HTR1E: variants seen among roughly 807,000 people sequenced by gnomAD.
HTR1E encodes the protein 5-hydroxytryptamine receptor 1E.
HTR1E carries 3 observed loss-of-function variants against 3.4 expected under a neutral mutation model. The observed-to-expected ratio is 0.89, with a 90% confidence interval of 0.41 to 2.31. The LOEUF is 2.31. Among genes scored for constraint, HTR1E ranks in the 30% most tolerant of loss-of-function variants. HTR1E has a pLI of 0.05. For missense variants in HTR1E, 392 were observed against 467.0 expected, an observed-to-expected ratio of 0.84 and a Z score of 1.48; for synonymous variants, 170 against 182.8, an observed-to-expected ratio of 0.93 and a Z score of 0.56.
intron 1 of HTR1E, among the ~76,000 whole-genome samples, chr6:86,964,858 A>G (rs79975916): frequency 6.6e-6 from 1 of 152,368 alleles, no homozygotes; most frequent in East Asian, 1.9e-4. Context: ...ATAAAATTAT[A>G]GTCAATAATT....
Position 87,015,132 on chromosome 6 carries a change from T to C in HTR1E, c.-185-18T>C. 2.6e-6 allele frequency: 1 copy of C among 386,064 alleles called. No homozygotes were observed. The highest frequency in any genetic ancestry group is 4.6e-6 in the Non-Finnish European group (1 of 218,326). The allele number at this position is 386,064 out of a possible 1,614,324, so 23.9% of individuals were successfully genotyped here. A position where few individuals can be genotyped will look rare whatever the true frequency, so the allele number is the denominator to read the frequency against. ...TGTGGCTTTCTCATTCATTAACCAATAGCATAATATTTTCCAGGAACCTTC... is the reference window on the plus strand; with the variant it reads ...TGTGGCTTTCTCATTCATTAACCAACAGCATAATATTTTCCAGGAACCTTC... On this transcript the variant is annotated intron_variant, in intron 1 of 1. Coordinates refer to ENST00000305344, the MANE Select transcript of HTR1E (RefSeq NM_000865.3).
chr6:86,949,634 C>T (rs2127817375), intron 1 of HTR1E, among the ~76,000 whole-genome samples: 1 of 152,192 alleles, frequency 6.6e-6, no homozygotes, highest in East Asian at 1.9e-4. Flanking sequence ...ATTTAAGTTA[C>T]TAGCAATAAC....
At chr6:87,003,838 T>C (rs563627975) in intron 1 of HTR1E, among the ~76,000 whole-genome samples, 9 of 152,134 alleles carry the variant, frequency 5.9e-5, no homozygotes, top group African/African-American at 1.9e-4. Flanking sequence ...GTTGGTTTTT[T>C]AAAAAGATTA....
chr6:86,977,222 G>T (rs909538899), intron 1 of HTR1E, among the ~76,000 whole-genome samples: 1 of 152,038 alleles, frequency 6.6e-6, no homozygotes. Context: ...AGTGTCTGTT[G>T]TTCCCACGTT....
At chr6:86,983,265 C>A (rs1767738126) in intron 1 of HTR1E, among the ~76,000 whole-genome samples, 4 of 152,136 alleles carry the variant, frequency 2.6e-5, no homozygotes, top group Admixed American at 1.3e-4. Flanking sequence ...GAAATCATTT[C>A]TTCAAAGTGA....
At chr6:86,988,916 G>A (rs565314074) in intron 1 of HTR1E, among the ~76,000 whole-genome samples, 58 of 152,100 alleles carry the variant, frequency 3.8e-4, no homozygotes, top group Non-Finnish European at 7.4e-4. Context: ...GAAAGACTAC[G>A]TGTTCAAAGT....
intron 1 of HTR1E, among the ~76,000 whole-genome samples, chr6:87,008,786 A>G (rs1408480196): frequency 1.3e-5 from 2 of 152,208 alleles, no homozygotes; most frequent in Admixed American, 1.3e-4. Flanking sequence ...AAATTAAAAT[A>G]AATGTATAGT....
At chr6:86,974,985 T>C (rs887865943) in intron 1 of HTR1E, among the ~76,000 whole-genome samples, 1 of 152,180 alleles carries the variant, frequency 6.6e-6, no homozygotes, top group Non-Finnish European at 1.5e-5. Context: ...GACTCATCCA[T>C]AGTTCTACAA....
At chr6:86,991,160 T>A (rs1476116833) in intron 1 of HTR1E, among the ~76,000 whole-genome samples, 1 of 151,974 alleles carries the variant, frequency 6.6e-6, no homozygotes, top group Non-Finnish European at 1.5e-5. Context: ...CTTAAGACAG[T>A]CAGTCATGAG....
intron 1 of HTR1E, among the ~76,000 whole-genome samples, chr6:86,989,911 A>G (rs1767849552): frequency 6.6e-6 from 1 of 152,200 alleles, no homozygotes; most frequent in Non-Finnish European, 1.5e-5. Flanking sequence ...CCAAAAAAAA[A>G]AGATACCTAC....
intron 1 of HTR1E, among the ~76,000 whole-genome samples, chr6:87,010,502 C>A (rs1768207411): frequency 7.0e-6 from 1 of 142,630 alleles, no homozygotes; most frequent in Non-Finnish European, 1.5e-5. Context: ...CTCCTCACAT[C>A]CCAGATGGGG....
chr6:86,965,169 G>C (rs1186113650), intron 1 of HTR1E, among the ~76,000 whole-genome samples: 1 of 152,144 alleles, frequency 6.6e-6, no homozygotes, highest in Non-Finnish European at 1.5e-5. Context: ...CCACCTGAGG[G>C]GCTCCTCCGT....
At chr6:86,944,724 A>AT (rs34788027) in intron 1 of HTR1E, among the ~76,000 whole-genome samples, 1 of 152,348 alleles carries the variant, frequency 6.6e-6, no homozygotes, top group Non-Finnish European at 1.5e-5. Context: ...CATTGACAAT[A>AT]TTTTGGTCAC....
intron 1 of HTR1E, among the ~76,000 whole-genome samples, chr6:86,958,937 C>CGTGTGT (rs55871033): frequency 0.011 from 1,497 of 140,052 alleles, 11 homozygotes; most frequent in South Asian, 0.016. Flanking sequence ...ACCAATTGCA[C>CGTGTGT]GTGTGTGTGT....
intron 1 of HTR1E, among the ~76,000 whole-genome samples, chr6:86,951,137 T>A (rs987427890): frequency 6.6e-6 from 1 of 152,210 alleles, no homozygotes; most frequent in Non-Finnish European, 1.5e-5. Context: ...AAAGGGCTCA[T>A]GATGCTGATA....
intron 1 of HTR1E, among the ~76,000 whole-genome samples, chr6:86,951,621 A>C (rs1767241702): frequency 6.6e-6 from 1 of 152,204 alleles, no homozygotes; most frequent in Non-Finnish European, 1.5e-5. Context: ...TTTTGAACTG[A>C]TGATAATGTT....
intron 1 of HTR1E, among the ~76,000 whole-genome samples, chr6:86,982,281 T>G (rs1351497361): frequency 6.6e-6 from 1 of 152,228 alleles, no homozygotes; most frequent in Admixed American, 6.5e-5. Context: ...CTAGAGAACA[T>G]TCACCTTCTA....
intron 1 of HTR1E, among the ~76,000 whole-genome samples, chr6:86,942,737 C>T (rs560311516): frequency 1.3e-5 from 2 of 152,234 alleles, no homozygotes; most frequent in African/African-American, 2.4e-5. Flanking sequence ...TCTCCTCACC[C>T]TCTCTGCAAT....
chr6:87,008,896 G>T (rs768489207), intron 1 of HTR1E, among the ~76,000 whole-genome samples: 1 of 152,044 alleles, frequency 6.6e-6, no homozygotes, highest in African/African-American at 2.4e-5. Context: ...TCACAATCGT[G>T]TCTCCTCCTC....
Sources: allele counts gnomAD v4.1 joint callset (sites outside exome capture counted in the v4.1 genomes callset), GRCh38; gene constraint gnomAD v4.1.1; transcripts MANE v1.5; gene names NCBI Gene and HGNC (gene_info 2026-07-23, HGNC 2026-07-21).